PLCB4: variants seen among roughly 807,000 people sequenced by gnomAD.
The protein encoded by PLCB4 is 1-phosphatidylinositol 4,5-bisphosphate phosphodiesterase beta-4.
PLCB4 carries 77 observed loss-of-function variants against 178.8 expected under a neutral mutation model. That is an observed-to-expected ratio of 0.43 (90% CI 0.36 to 0.52). The LOEUF (loss-of-function observed/expected upper bound fraction) is 0.52, where lower values mean the gene tolerates loss of function less well. Among genes scored for constraint, PLCB4 ranks in the 20% least tolerant of loss-of-function variants. PLCB4 has a pLI of 0.00. For missense variants in PLCB4, 1,024 were observed against 1,453.4 expected, an observed-to-expected ratio of 0.70 and a Z score of 4.80; for synonymous variants, 496 against 490.8, an observed-to-expected ratio of 1.01 and a Z score of -0.14.
chr20:9,434,838 A>G (rs2041665673), intron 28 of PLCB4, among the ~76,000 whole-genome samples: 1 of 152,234 alleles, frequency 6.6e-6, no homozygotes, highest in African/African-American at 2.4e-5. Flanking sequence ...AAACTTACAC[A>G]GTATTTAAAA....
At chr20:9,398,157 A>G (rs980209978) in intron 19 of PLCB4, among the ~76,000 whole-genome samples, 1 of 152,164 alleles carries the variant, frequency 6.6e-6, no homozygotes, top group Non-Finnish European at 1.5e-5. Flanking sequence ...AGAAGCTGCT[A>G]AATTAGTTAA....
intron 32 of PLCB4, among the ~76,000 whole-genome samples, chr20:9,446,821 C>T (rs940431176): frequency 6.6e-6 from 1 of 152,192 alleles, no homozygotes; most frequent in Non-Finnish European, 1.5e-5. Context: ...GCGGAGGTTG[C>T]AGTGAGCTGA....
chr20:9,218,881 C>T (rs2093764406), intron 3 of PLCB4, among the ~76,000 whole-genome samples: 1 of 152,188 alleles, frequency 6.6e-6, no homozygotes. Context: ...CTGAATAATT[C>T]TCTCGGGACT....
chr20:9,409,970 A>T (rs1442566458), intron 24 of PLCB4, among the ~76,000 whole-genome samples: 1 of 152,212 alleles, frequency 6.6e-6, no homozygotes, highest in East Asian at 1.9e-4. Context: ...AAATAAAACA[A>T]AACCAGAAAG....
In PLCB4 at chr20:9,435,221, A is replaced by G. The variant is rs142321017; in HGVS notation, c.2525-339A>G. On this transcript the variant is annotated intron_variant, in intron 28 of 39. Transcript: ENST00000378473. ...TAAAGAAACTGAGGCTGGGGACATT[A>G]ATCAACTTGCTGAAAGTCACACACA... 8.7e-3 allele frequency among the ~76,000 whole-genome samples: 1,327 copies of G among 152,362 alleles called. 25 individuals carry two copies. The highest frequency in any genetic ancestry group is 0.031 in the African/African-American group (1,269 of 41,592).
chr20:9,292,458 T>A (rs765933282), intron 3 of PLCB4, among the ~76,000 whole-genome samples: 1 of 152,030 alleles, frequency 6.6e-6, no homozygotes, highest in Non-Finnish European at 1.5e-5. Context: ...ATCACGCACC[T>A]CATGAGGACA....
At chr20:9,127,817 T>G (rs1205516882) in intron 2 of PLCB4, among the ~76,000 whole-genome samples, 1 of 152,134 alleles carries the variant, frequency 6.6e-6, no homozygotes, top group African/African-American at 2.4e-5. Flanking sequence ...CCTGAGTAGC[T>G]GGGATTACAG....
intron 7 of PLCB4, among the ~76,000 whole-genome samples, chr20:9,353,511 G>A (rs1424102662): frequency 6.6e-6 from 1 of 152,178 alleles, no homozygotes; most frequent in Non-Finnish European, 1.5e-5. Context: ...TTTAGAAGTT[G>A]GTCTGTTATA....
At chr20:9,245,386 G>A (rs546038958) in intron 3 of PLCB4, among the ~76,000 whole-genome samples, 29 of 152,280 alleles carry the variant, frequency 1.9e-4, no homozygotes. Context: ...CCTGGAATCT[G>A]TGAATGTTAC....
rs150025419 is a variant in PLCB4, at chr20:9,363,060, C to T, written c.449+85C>T. ...AGAGATGAAGGCTAGGTGGTTCCTT[C>T]CTCCAAATTCCTGCTTGCCTTTCCC... On this transcript the variant is annotated intron_variant, in intron 8 of 39. Transcript: ENST00000378473. The T allele has an allele frequency of 9.8e-6, 9 of 921,366 alleles. No homozygotes were observed. In the East Asian group the frequency reaches 1.8e-4, roughly 19 times the overall value. 57.1% of individuals were successfully genotyped at this position (921,366 alleles called of 1,614,324 possible).
At chr20:9,207,474 A>G (rs1034552276) in intron 2 of PLCB4, among the ~76,000 whole-genome samples, 3 of 152,188 alleles carry the variant, frequency 2.0e-5, no homozygotes, top group African/African-American at 7.2e-5. Flanking sequence ...AAATGTCAAG[A>G]TTTAGTATTG....
chr20:9,099,637 T>C (rs2091064493), intron 2 of PLCB4, among the ~76,000 whole-genome samples: 1 of 152,082 alleles, frequency 6.6e-6, no homozygotes, highest in African/African-American at 2.4e-5. Flanking sequence ...GACTGCTCCA[T>C]GCCACAAGTA....
intron 3 of PLCB4, among the ~76,000 whole-genome samples, chr20:9,255,272 G>A (rs748296969): frequency 1.2e-4 from 18 of 152,168 alleles, no homozygotes; most frequent in African/African-American, 1.2e-4. Flanking sequence ...CATAAGAATT[G>A]TAAGATTCAA....
rs747482352 is a variant in PLCB4 at position 9,255,524 on chromosome 20, G to GTT, written c.-16+38086_-16+38087dup. On this transcript the variant is annotated intron_variant, in intron 3 of 39. Transcript: ENST00000378473. ...TGGAAGCAGTAAAACTTTGAACTTAGTTTTTTTTTTTTTTTGTAAGTTTAG... is the reference window on the plus strand; with the variant it reads ...TGGAAGCAGTAAAACTTTGAACTTAGTTTTTTTTTTTTTTTTTGTAAGTTTAG... 7.6e-3 allele frequency among the ~76,000 whole-genome samples: 1,000 copies of GTT among 132,062 alleles called. 16 individuals are homozygous for GTT. The highest frequency in any genetic ancestry group is 0.026 in the African/African-American group (942 of 36,328). 86.6% of individuals were successfully genotyped at this position (132,062 alleles called of 152,430 possible).
At chr20:9,364,872 AT>A (rs2079318969) in intron 8 of PLCB4, among the ~76,000 whole-genome samples, 1 of 152,166 alleles carries the variant, frequency 6.6e-6, no homozygotes, top group Non-Finnish European at 1.5e-5. Context: ...TTCACCATCA[AT>A]TTGAGTTGAT....
chr20:9,220,031 A>G (rs6039421), intron 3 of PLCB4, among the ~76,000 whole-genome samples: 5 of 152,318 alleles, frequency 3.3e-5, no homozygotes, highest in African/African-American at 1.2e-4. Flanking sequence ...TAAACAAAAC[A>G]AAACAGTGTT....
At chr20:9,206,423 A>G (rs2093616561) in intron 2 of PLCB4, among the ~76,000 whole-genome samples, 1 of 150,054 alleles carries the variant, frequency 6.7e-6, no homozygotes, top group Non-Finnish European at 1.5e-5. Context: ...CTCCCATGGC[A>G]TTCAGCACAC....
chr20:9,149,804 G>T (rs1377545855), intron 2 of PLCB4, among the ~76,000 whole-genome samples: 1 of 152,164 alleles, frequency 6.6e-6, no homozygotes, highest in Non-Finnish European at 1.5e-5. Context: ...CCAACTGGAG[G>T]TTGGTGTGCA....
At chr20:9,069,594 A>G (rs2089462190) in intron 1 of PLCB4, among the ~76,000 whole-genome samples, 1 of 152,132 alleles carries the variant, frequency 6.6e-6, no homozygotes, top group South Asian at 2.1e-4. Context: ...GAAATGATTG[A>G]CCGTTTCCAC....
Sources: allele counts gnomAD v4.1 joint callset (sites outside exome capture counted in the v4.1 genomes callset), GRCh38; gene constraint gnomAD v4.1.1; transcripts MANE v1.5; gene names NCBI Gene and HGNC (gene_info 2026-07-23, HGNC 2026-07-21).